TLR2: variants seen among roughly 807,000 people sequenced by gnomAD.
The protein encoded by TLR2 is toll-like receptor 2.
Under a neutral mutation model 9.1 loss-of-function variants are expected in TLR2, and 7 were observed. The observed-to-expected ratio is 0.77, with a 90% CI of 0.44 to 1.44. The LOEUF is 1.44. TLR2 is among the 40% of genes most tolerant of loss of function. The pLI, the probability that TLR2 is intolerant of heterozygous loss-of-function variation, is 0.01. For missense variants in TLR2, 812 were observed against 904.6 expected, an observed-to-expected ratio of 0.90 and a Z score of 1.31; for synonymous variants, 317 against 344.6, an observed-to-expected ratio of 0.92 and a Z score of 0.89.
intron 2 of TLR2, among the ~76,000 whole-genome samples, chr4:153,688,963 T>C (rs1045185743): frequency 2.0e-5 from 3 of 152,236 alleles, no homozygotes; most frequent in Admixed American, 6.5e-5. Context: ...GATTCGCATA[T>C]GCATACTATA....
At chr4:153,692,168 C>G (rs184093182) in intron 2 of TLR2, among the ~76,000 whole-genome samples, 111 of 152,226 alleles carry the variant, frequency 7.3e-4, no homozygotes, top group Admixed American at 2.4e-3. Context: ...CCTTGCTCAG[C>G]TAAGGGGATA....
chr4:153,698,570 G>A lies in TLR2; in HGVS notation c.-16-4322G>A, dbSNP rs115525840. On this transcript the variant is annotated intron_variant, in intron 2 of 2. Transcript: ENST00000642700. ...TATGACTCATCACAGAATAGATAAC[G>A]TGAAATTATGAAAAAATATTGGTGT... is the stretch of plus-strand genomic sequence containing the variant. Among the ~76,000 whole-genome samples, 857 of 152,164 alleles carry A rather than the reference G, an allele frequency of 5.6e-3. 4 individuals are homozygous for A. Among genetic ancestry groups the A allele is most frequent in the Admixed American group, 0.012 (184 of 15,276 alleles).
At position 153,704,578 on chromosome 4, in the gene TLR2, T is replaced by C. The variant is rs751237112; in HGVS notation, c.1671T>C (p.Asp557=). The part of the protein sequence containing the change: ...EQQALAKVLI[D]WPANYLCDSP... ...AAGCACTGGCCAAAGTCTTGATTGA[T>C]TGGCCAGCAAATTACCTGTGTGACT... The change falls in exon 3 of 3, where the codon GAT becomes GAC. Residue 557 remains aspartate, a synonymous_variant. Coordinates refer to ENST00000642700, the MANE Select transcript of TLR2 (RefSeq NM_001318789.2). 5 of 1,613,986 alleles carry C rather than the reference T, an allele frequency of 3.1e-6. No homozygotes were observed. Among genetic ancestry groups the C allele is most frequent in the Non-Finnish European group, 3.4e-6 (4 of 1,180,006 alleles).
intron 2 of TLR2, among the ~76,000 whole-genome samples, chr4:153,701,097 A>G (rs1736856052): frequency 6.6e-6 from 1 of 152,262 alleles, no homozygotes; most frequent in African/African-American, 2.4e-5. Flanking sequence ...ATTAAAATAT[A>G]TAAAATATAA....
intron 1 of TLR2, among the ~76,000 whole-genome samples, chr4:153,685,593 A>G (rs1735649071): frequency 6.6e-6 from 1 of 152,250 alleles, no homozygotes; most frequent in African/African-American, 2.4e-5. Context: ...CCAATATTTT[A>G]AAGGTTCTTC....
Position 153,706,072 on chromosome 4 carries a change from A to G in TLR2, c.*810A>G, listed in dbSNP as rs1157141621. On this transcript the variant is annotated 3_prime_UTR_variant, in exon 3 of 3. Transcript: ENST00000642700. ...AAAAAAGTGCTGTGTATTTCCTATT[A>G]AACTTTACAGGATGAGAAATACTAG... Among the ~76,000 whole-genome samples the G allele has an allele frequency of 6.6e-6, 1 of 152,222 alleles. No homozygotes were observed. Among genetic ancestry groups the G allele is most frequent in the African/African-American group, 2.4e-5 (1 of 41,450 alleles).
Position 153,687,942 on chromosome 4 carries a change from AAGG to A in TLR2, c.-119_-117del, listed in dbSNP as rs1396670102. On this transcript the variant is annotated 5_prime_UTR_variant, in exon 2 of 3. Coordinates refer to ENST00000642700, the MANE Select transcript of TLR2 (RefSeq NM_001318789.2). ...TGTTTGGTGTTGCAAGCAGGATCCA[AAGG>A]AGACCTATAGTGACTCCCAGGAGCT... 2 of 152,202 alleles carry A rather than the reference AAGG, an allele frequency of 1.3e-5. No individual in the cohort carries two copies. The highest frequency in any genetic ancestry group is 2.9e-5 in the Non-Finnish European group (2 of 68,034). The allele number at this position is 152,202 out of a possible 1,614,324, so 9.4% of individuals were successfully genotyped here.
At chr4:153,709,729 G>A (rs1737442057), downstream of TLR2, among the ~76,000 whole-genome samples, 1 of 152,252 alleles carries the variant, frequency 6.6e-6, no homozygotes, top group African/African-American at 2.4e-5. Flanking sequence ...CGCACGCAGA[G>A]TGGAACAAAA....
Position 153,703,627 on chromosome 4 carries a change from A to G in TLR2, c.720A>G (p.Ser240=). ...RDTDLDTFHF[S]ELSTGETNSL... is the part of the protein sequence containing the mutation. Reference sequence around the variant, plus strand: ...CTGATTTGGACACTTTCCATTTTTCAGAACTATCCACTGGTGAAACAAATT... The same window carrying G: ...CTGATTTGGACACTTTCCATTTTTCGGAACTATCCACTGGTGAAACAAATT... The change falls in exon 3 of 3, where the codon TCA becomes TCG. Residue 240 remains serine, a synonymous_variant. Transcript: ENST00000642700. The G allele has an allele frequency of 6.2e-7, 1 of 1,613,798 alleles. No individual in the cohort carries two copies.
intron 1 of TLR2, among the ~76,000 whole-genome samples, chr4:153,684,936 G>C (rs1413472300): frequency 6.6e-6 from 1 of 152,204 alleles, no homozygotes; most frequent in Non-Finnish European, 1.5e-5. Context: ...GACAAAGATT[G>C]GGTAAAGGCT....
At position 153,703,703 on chromosome 4, in the gene TLR2, T is replaced by C; in HGVS notation, c.796T>C (p.Leu266=). The C allele has an allele frequency of 3.7e-6, 6 of 1,613,626 alleles. No individual in the cohort carries two copies. The highest frequency in any genetic ancestry group is 4.2e-6 in the Non-Finnish European group (5 of 1,179,892). The change falls in exon 3 of 3, where the codon TTG becomes CTG. Residue 266 remains leucine, a synonymous_variant. Coordinates refer to ENST00000642700, the MANE Select transcript of TLR2 (RefSeq NM_001318789.2). ...FRNVKITDES[L]FQVMKLLNQI... ...AAATGTGAAAATCACCGATGAAAGT[T>C]TGTTTCAGGTTATGAAACTTTTGAA...
downstream of TLR2, among the ~76,000 whole-genome samples, chr4:153,707,982 AT>A (rs1476973104): frequency 1.3e-5 from 2 of 152,212 alleles, no homozygotes; most frequent in Non-Finnish European, 2.9e-5. Context: ...TTTACCAGCT[AT>A]CCAGGCATCT....
Position 153,704,598 on chromosome 4 carries a change from G to A in TLR2, c.1691G>A (p.Cys564Tyr), listed in dbSNP as rs142326788. 3.2e-5 allele frequency: 52 copies of A among 1,613,298 alleles called. No homozygotes were observed. The highest frequency in any genetic ancestry group is 1.6e-4 in the Middle Eastern group (1 of 6,084). Residue 564 changes from cysteine (C) to tyrosine (Y), a missense_variant, in exon 3 of 3, where the codon TGT (cysteine) becomes TAT (tyrosine). Physicochemically the swap from Cys to Tyr is radical, Grantham distance 194. Coordinates refer to ENST00000642700, the MANE Select transcript of TLR2 (RefSeq NM_001318789.2). ...ATTGATTGGCCAGCAAATTACCTGT[G>A]TGACTCTCCATCCCATGTGCGTGGC... ...VLIDWPANYL[C>Y]DSPSHVRGQQ...
downstream of TLR2, chr4:153,710,410 C>G: frequency 2.5e-6 from 4 of 1,573,584 alleles, no homozygotes; most frequent in Non-Finnish European, 3.5e-6. Context: ...TGAACTATTC[C>G]TATCACCACA....
chr4:153,696,467 A>T lies in TLR2; in HGVS notation c.-16-6425A>T, dbSNP rs148566155. Among the ~76,000 whole-genome samples the T allele has an allele frequency of 6.2e-3, 937 of 152,236 alleles. 9 individuals are homozygous for T. The highest frequency in any genetic ancestry group is 0.022 in the African/African-American group (898 of 41,530). On this transcript the variant is annotated intron_variant, in intron 2 of 2. Transcript: ENST00000642700. ...GGTATTTTATTTGTAGCTGTTGTAG[A>T]CGAGATTACTATCTTGATTTCTTTT...
chr4:153,710,442 C>T (rs752702677), downstream of TLR2: 21 of 1,600,292 alleles, frequency 1.3e-5, no homozygotes, highest in African/African-American at 5.3e-5. Flanking sequence ...CACCAAATAA[C>T]GAAGCCAATC....
chr4:153,698,922 A>G (rs1011403842), intron 2 of TLR2, among the ~76,000 whole-genome samples: 1 of 152,190 alleles, frequency 6.6e-6, no homozygotes, highest in African/African-American at 2.4e-5. Context: ...AGGCTTTTTG[A>G]GTCACATATT....
chr4:153,704,689 G>A lies in TLR2; in HGVS notation c.1782G>A (p.Met594Ile). 1 of 1,613,820 alleles carries A rather than the reference G, an allele frequency of 6.2e-7. No individual in the cohort carries two copies. Among genetic ancestry groups the A allele is most frequent in the South Asian group, 1.1e-5 (1 of 91,066 alleles). The stretch of plus-strand genomic sequence containing the variant: ...ACAGGACAGCACTGGTGTCTGGCAT[G>A]TGCTGTGCTCTGTTCCTGCTGATCC... ...ECHRTALVSGMCCALFLLILL... is the reference protein window; with the variant it reads ...ECHRTALVSGICCALFLLILL... Residue 594 changes from methionine to isoleucine, a missense_variant, in exon 3 of 3, where the codon ATG becomes ATA. Met to Ile is a conservative substitution (Grantham distance 10, BLOSUM62 1). Coordinates refer to ENST00000642700, the MANE Select transcript of TLR2 (RefSeq NM_001318789.2).
chr4:153,710,450 A>G, downstream of TLR2: 3 of 1,603,982 alleles, frequency 1.9e-6, no homozygotes, highest in Non-Finnish European at 2.6e-6. Context: ...AACGAAGCCA[A>G]TCCAGGATTT....
Sources: gnomAD v4.1 joint callset for allele counts (sites outside exome capture counted in the v4.1 genomes callset) on GRCh38, gnomAD v4.1.1 for gene constraint, MANE v1.5 for transcripts, NCBI Gene and HGNC (gene_info 2026-07-23, HGNC 2026-07-21) for gene names.